Variants in SMIM17 observed in about 807,000 individuals in gnomAD.
SMIM17 encodes the protein small integral membrane protein 17.
In SMIM17, 10 loss-of-function variants were observed where a neutral mutation model predicts 12.2. That is an observed-to-expected ratio of 0.82 (90% CI 0.50 to 1.39). The LOEUF is 1.39. SMIM17 is among the 40% of genes most tolerant of loss of function. The pLI is 0.00. For missense variants in SMIM17, 136 were observed against 118.2 expected (o/e 1.15, Z -0.70); for synonymous variants, 50 against 44.1 (o/e 1.13, Z -0.53).
chr19:56,650,671 G>A (rs1323079419), intron 3 of SMIM17, among the ~76,000 whole-genome samples: 1 of 152,180 alleles, frequency 6.6e-6, no homozygotes, highest in Non-Finnish European at 1.5e-5. Context: ...TAGAGTTTGG[G>A]CTTGGAGGGG....
At chr19:56,654,994 T>C (rs569636025) in intron 3 of SMIM17, 109 bp from the exon 4 acceptor site, 68 of 505,786 alleles carry the variant, frequency 1.3e-4, no homozygotes, top group African/African-American at 1.2e-3. Flanking sequence ...AAACAGCTTT[T>C]CTCTTGATAT....
Position 56,652,031 on chromosome 19 carries a change from G to A in SMIM17, c.247-3072G>A, listed in dbSNP as rs1011363974. Among the ~76,000 whole-genome samples the A allele has an allele frequency of 2.0e-5, 3 of 146,426 alleles. No homozygotes were observed. In the East Asian group the frequency reaches 6.2e-4, roughly 30 times the overall value. On this transcript the variant is annotated intron_variant, in intron 3 of 3. Transcript: ENST00000598409. ...AGGCAGGAGAATCGCTTGAACCTGG[G>A]AGGCAGAGGTTACAATGAGCTGAGA...
At chr19:56,652,672 A>AAAC (rs35747651) in intron 3 of SMIM17, among the ~76,000 whole-genome samples, 1 of 114,916 alleles carries the variant, frequency 8.7e-6, no homozygotes, top group Non-Finnish European at 1.7e-5. Context: ...GAAAAAAAAA[A>AAAC]GAGAGAGAGA....
intron 2 of SMIM17, among the ~76,000 whole-genome samples, chr19:56,647,020 G>A (rs1278060861): frequency 3.3e-5 from 5 of 152,140 alleles, no homozygotes; most frequent in African/African-American, 1.2e-4. Context: ...AGTGGAAAAT[G>A]CCAGGATTTG....
chr19:56,646,472 A>G (rs748816262), intron 2 of SMIM17, among the ~76,000 whole-genome samples: 1 of 152,144 alleles, frequency 6.6e-6, no homozygotes, highest in East Asian at 1.9e-4. Flanking sequence ...TGCTGCTGTT[A>G]TCTTGTGGGG....
At chr19:56,647,457 T>A in intron 2 of SMIM17, 101 bp from the exon 3 acceptor site, 1 of 711,756 alleles carries the variant, frequency 1.4e-6, no homozygotes, top group South Asian at 1.8e-5. Context: ...GAGAGGAGGC[T>A]ATTACTAGAA....
rs149041390 is a variant in SMIM17, at chr19:56,646,508, C to T, written c.169+672C>T. On this transcript the variant is annotated intron_variant, in intron 2 of 3. Coordinates refer to ENST00000598409, the MANE Select transcript of SMIM17 (RefSeq NM_001193628.2). ...AGAAGCCAGTAGTGATGCTGATAAA[C>T]GTCCTACCATGCACAGGACGGACCC... is the stretch of plus-strand genomic sequence containing the variant. 8.5e-5 allele frequency among the ~76,000 whole-genome samples: 13 copies of T among 152,160 alleles called. No individual in the cohort carries two copies. In the East Asian group the frequency reaches 2.5e-3, roughly 29 times the overall value.
Position 56,656,101 on chromosome 19 carries a change from T to C in SMIM17, c.*888T>C, listed in dbSNP as rs537677645. Among the ~76,000 whole-genome samples the C allele has an allele frequency of 8.7e-4, 132 of 151,908 alleles. 1 individual carries two copies. Among genetic ancestry groups the C allele is most frequent in the Admixed American group, 2.2e-3 (34 of 15,260 alleles). ...CTGGGACTACAGGCGCCCACCACCA[T>C]GCCCAGCTAATTTTTTGTATTTTTA... On this transcript the variant is annotated 3_prime_UTR_variant, in exon 4 of 4. Coordinates refer to ENST00000598409, the MANE Select transcript of SMIM17 (RefSeq NM_001193628.2).
chr19:56,649,464 G>A (rs1456613039), intron 3 of SMIM17, among the ~76,000 whole-genome samples: 1 of 152,134 alleles, frequency 6.6e-6, no homozygotes, highest in Non-Finnish European at 1.5e-5. Flanking sequence ...ATATGAATTG[G>A]GTTGAGTGGT....
chr19:56,651,810 AT>A (rs1289428744), intron 3 of SMIM17, among the ~76,000 whole-genome samples: 4 of 152,024 alleles, frequency 2.6e-5, no homozygotes, highest in Non-Finnish European at 4.4e-5. Context: ...CTTCAACAGA[AT>A]GTTTTAAGCT....
chr19:56,644,090 T>C (rs912314593), intron 1 of SMIM17, among the ~76,000 whole-genome samples: 4 of 152,094 alleles, frequency 2.6e-5, no homozygotes, highest in East Asian at 1.9e-4. Flanking sequence ...TCTCCTGACC[T>C]TGACCTGATG....
intron 1 of SMIM17, 39 bp from the exon 2 acceptor site, chr19:56,645,529 C>A: frequency 2.6e-6 from 2 of 774,508 alleles, no homozygotes; most frequent in Non-Finnish European, 3.8e-6. Context: ...CCCTGCTGGC[C>A]CTCTGTAATG....
At chr19:56,650,324 C>G (rs1431553103) in intron 3 of SMIM17, among the ~76,000 whole-genome samples, 1 of 152,126 alleles carries the variant, frequency 6.6e-6, no homozygotes, top group Non-Finnish European at 1.5e-5. Context: ...CAGGCGCACA[C>G]CACCATGCCC....
In SMIM17 at chr19:56,657,202, T is replaced by C. The variant is rs2148047369; in HGVS notation, c.*1989T>C. On this transcript the variant is annotated 3_prime_UTR_variant, in exon 4 of 4. Transcript: ENST00000598409. Reference sequence around the variant, plus strand: ...ATATATGTAAAACACCATATGACAATGGCTGGCAGATAGTAGGCACTCAAT... The same window carrying C: ...ATATATGTAAAACACCATATGACAACGGCTGGCAGATAGTAGGCACTCAAT... 6.6e-6 allele frequency among the ~76,000 whole-genome samples: 1 copy of C among 152,314 alleles called. No homozygotes were observed. The highest frequency in any genetic ancestry group is 1.5e-5 in the Non-Finnish European group (1 of 68,020).
intron 3 of SMIM17, among the ~76,000 whole-genome samples, chr19:56,651,115 C>T (rs542441705): frequency 6.6e-6 from 1 of 152,180 alleles, no homozygotes; most frequent in Non-Finnish European, 1.5e-5. Context: ...ATGACAGTTA[C>T]AGCCTCATTA....
At chr19:56,650,346 G>T (rs904833922) in intron 3 of SMIM17, among the ~76,000 whole-genome samples, 2 of 152,020 alleles carry the variant, frequency 1.3e-5, no homozygotes, top group African/African-American at 4.8e-5. Context: ...GCTAATTCTT[G>T]TATTTTTAGT....
chr19:56,650,776 G>A (rs945303179), intron 3 of SMIM17, among the ~76,000 whole-genome samples: 4 of 152,222 alleles, frequency 2.6e-5, no homozygotes, highest in Admixed American at 6.5e-5. Context: ...GGGGCAACAC[G>A]TGAATTCTGA....
At chr19:56,646,679 T>C (rs1476877662) in intron 2 of SMIM17, among the ~76,000 whole-genome samples, 5 of 152,188 alleles carry the variant, frequency 3.3e-5, no homozygotes, top group Non-Finnish European at 7.4e-5. Context: ...TTCCTGCAAC[T>C]GTCCAAGACA....
intron 3 of SMIM17, among the ~76,000 whole-genome samples, chr19:56,654,467 A>C (rs1021265026): frequency 6.6e-6 from 1 of 152,272 alleles, no homozygotes; most frequent in Non-Finnish European, 1.5e-5. Flanking sequence ...TACAAGATAG[A>C]TGACAGTGGC....
Sources: gnomAD v4.1 joint callset for allele counts (sites outside exome capture counted in the v4.1 genomes callset) on GRCh38, gnomAD v4.1.1 for gene constraint, MANE v1.5 for transcripts, NCBI Gene and HGNC (gene_info 2026-07-23, HGNC 2026-07-21) for gene names.